The following KCTD1 variants were observed in gnomAD, a reference collection of about 807,000 sequenced individuals.
KCTD1 encodes potassium channel tetramerization domain containing 1.
In KCTD1, 24 loss-of-function variants were observed where a neutral mutation model predicts 66.0. The ratio of observed to expected loss-of-function variants is 0.36; its 90% confidence interval spans 0.26 to 0.51. The LOEUF is 0.51. Ranked by LOEUF, KCTD1 falls within the 20% of genes least tolerant of loss-of-function variation. KCTD1 has a pLI of 0.95. For synonymous variants in KCTD1, 511 were observed against 517.2 expected, an observed-to-expected ratio of 0.99 and a Z score of 0.16; for missense variants, 943 against 1,205.2, an observed-to-expected ratio of 0.78 and a Z score of 3.22.
At chr18:26,594,701 G>A (rs1300002747) in intron 1 of KCTD1, among the ~76,000 whole-genome samples, 1 of 152,154 alleles carries the variant, frequency 6.6e-6, no homozygotes, top group Admixed American at 6.5e-5. Flanking sequence ...CAGTCTAGAC[G>A]CTGCTGAGAA....
chr18:26,639,884 C>T (rs1210516217), intron 1 of KCTD1, among the ~76,000 whole-genome samples: 1 of 152,194 alleles, frequency 6.6e-6, no homozygotes, highest in Non-Finnish European at 1.5e-5. Flanking sequence ...GCTTGGGGAT[C>T]ACACAGCATA....
upstream of KCTD1, among the ~76,000 whole-genome samples, chr18:26,645,257 G>T (rs548574237): frequency 1.3e-5 from 2 of 152,104 alleles, no homozygotes; most frequent in East Asian, 1.9e-4. Context: ...TAGAGATAGG[G>T]TCTCACTATT....
chr18:26,656,903 G>A (rs1241385729), intron 1 of KCTD1, among the ~76,000 whole-genome samples: 1 of 139,278 alleles, frequency 7.2e-6, no homozygotes, highest in Non-Finnish European at 1.6e-5. Context: ...GGAGGGAGGG[G>A]CTCGGGGAGG....
intron 1 of KCTD1, among the ~76,000 whole-genome samples, chr18:26,525,853 A>T (rs2144759886): frequency 6.6e-6 from 1 of 152,206 alleles, no homozygotes; most frequent in East Asian, 1.9e-4. Flanking sequence ...TCTCAAAGTG[A>T]TAGGATCACA....
chr18:26,601,190 C>T (rs1986886840), intron 1 of KCTD1, among the ~76,000 whole-genome samples: 1 of 152,020 alleles, frequency 6.6e-6, no homozygotes, highest in South Asian at 2.1e-4. Flanking sequence ...ATAAGTCTCT[C>T]TGAGCAGAGA....
intron 1 of KCTD1, among the ~76,000 whole-genome samples, chr18:26,529,628 G>A (rs1463580785): frequency 2.0e-5 from 3 of 152,158 alleles, no homozygotes; most frequent in Non-Finnish European, 4.4e-5. Context: ...AGAAAAACAG[G>A]TAAGTTCATC....
At chr18:26,549,003 C>T, upstream of KCTD1, 2 of 985,214 alleles carry the variant, frequency 2.0e-6, no homozygotes, top group Non-Finnish European at 1.2e-6. Context: ...CTTCCACTGC[C>T]CCCTCATTGC....
upstream of KCTD1, among the ~76,000 whole-genome samples, chr18:26,642,361 G>A (rs542885980): frequency 2.0e-5 from 3 of 152,294 alleles, no homozygotes; most frequent in South Asian, 2.1e-4. Flanking sequence ...CCTCTCGGGC[G>A]TGTCCTGTGA....
intron 1 of KCTD1, among the ~76,000 whole-genome samples, chr18:26,515,464 G>A (rs564567287): frequency 3.4e-4 from 51 of 151,352 alleles, no homozygotes; most frequent in Admixed American, 1.8e-3. Context: ...ATCTGGTGGC[G>A]CCTGACCCAC....
intron 2 of KCTD1, among the ~76,000 whole-genome samples, chr18:26,498,587 CAT>C (rs1387442253): frequency 6.6e-6 from 1 of 151,740 alleles, no homozygotes; most frequent in Non-Finnish European, 1.5e-5. Context: ...ACTGAGTTTA[CAT>C]TTTTTTGGTA....
chr18:26,578,057 C>CTTTTTTTTTTTTT (rs11381611), intron 1 of KCTD1, among the ~76,000 whole-genome samples: 2 of 117,046 alleles, frequency 1.7e-5, no homozygotes, highest in African/African-American at 3.4e-5. Context: ...TCTTTTCTTT[C>CTTTTTTTTTTTTT]TTTTTTTTTT....
intron 1 of KCTD1, among the ~76,000 whole-genome samples, chr18:26,578,647 A>G (rs1986284685): frequency 6.6e-6 from 1 of 152,184 alleles, no homozygotes; most frequent in African/African-American, 2.4e-5. Flanking sequence ...TGGGAATAGT[A>G]TGGTTTTACA....
In KCTD1 at chr18:26,564,122, G is replaced by GTA. The variant is rs71857672; in HGVS notation, c.-15-62874_-15-62873dup. ...ATTGTAATTGTGAATTTACATGCCT[G>GTA]TATCACCCATTTGGCTGTAAGCTCC... On this transcript the variant is annotated intron_variant, in intron 1 of 4. Coordinates refer to the KCTD1 transcript ENST00000317932. 1.8e-3 allele frequency among the ~76,000 whole-genome samples: 272 copies of GTA among 151,690 alleles called. 6 individuals are homozygous for GTA. Among genetic ancestry groups the GTA allele is most frequent in the African/African-American group, 6.3e-3 (259 of 41,302 alleles).
At chr18:26,618,558 AG>A (rs1987306404) in intron 1 of KCTD1, among the ~76,000 whole-genome samples, 1 of 152,146 alleles carries the variant, frequency 6.6e-6, no homozygotes, top group Non-Finnish European at 1.5e-5. Context: ...ATAAGGATAA[AG>A]GTGAACGAGG....
intron 1 of KCTD1, among the ~76,000 whole-genome samples, chr18:26,647,336 C>CCCCG (rs1555649529): frequency 6.8e-6 from 1 of 146,700 alleles, no homozygotes; most frequent in African/African-American, 2.5e-5. Context: ...GTGAAACCCC[C>CCCCG]CCCCCATCTC....
chr18:26,559,073 A>G (rs1985781433), intron 1 of KCTD1, among the ~76,000 whole-genome samples: 1 of 152,130 alleles, frequency 6.6e-6, no homozygotes, highest in Admixed American at 6.5e-5. Flanking sequence ...CTGGAGATAG[A>G]GAGTAGAGGA....
At position 26,570,165 on chromosome 18, in the gene KCTD1, G is replaced by A. The variant is rs1251663950; in HGVS notation, c.-16+58982C>T. ...TGTGCCACTGCATTGCAGCCTGGGC[G>A]ACAGAGCAAGACTCCATCTAAAAAA... On this transcript the variant is annotated intron_variant, in intron 1 of 4. Coordinates refer to the KCTD1 transcript ENST00000317932. Among the ~76,000 whole-genome samples the A allele has an allele frequency of 4.7e-5, 6 of 126,592 alleles. No homozygotes were observed. The South Asian group carries it at 8.7e-4, about 18-fold the overall frequency. 83.0% of individuals were successfully genotyped at this position (126,592 alleles called of 152,430 possible).
chr18:26,598,471 T>TTACAC (rs141381042), intron 1 of KCTD1, among the ~76,000 whole-genome samples: 3 of 149,668 alleles, frequency 2.0e-5, no homozygotes, highest in African/African-American at 7.4e-5. Context: ...TCTCTTTTTT[T>TTACAC]ACACACACAC....
In KCTD1 at chr18:26,455,026, T is replaced by C. The variant is rs1979974906; in HGVS notation, c.*717A>G. The C allele has an allele frequency of 6.6e-6, 1 of 152,630 alleles. No homozygotes were observed. The allele number at this position is 152,630 out of a possible 1,614,324, so 9.5% of individuals were successfully genotyped here. On this transcript the variant is annotated 3_prime_UTR_variant, in exon 5 of 5. Transcript: ENST00000580059. Reference sequence around the variant, plus strand: ...TTAATACATTATAAAATTTGAAAAATTGTAGGAAAGCAGCAGACTTGAACT... The same window carrying C: ...TTAATACATTATAAAATTTGAAAAACTGTAGGAAAGCAGCAGACTTGAACT...
Sources: allele counts gnomAD v4.1 joint callset (sites outside exome capture counted in the v4.1 genomes callset), GRCh38; gene constraint gnomAD v4.1.1; transcripts MANE v1.5; gene names NCBI Gene and HGNC (gene_info 2026-07-23, HGNC 2026-07-21).